Variants in SYCP1 observed in about 807,000 individuals in gnomAD.
SYCP1 encodes the protein synaptonemal complex protein 1, also known as cancer/testis antigen 8.
Under a neutral mutation model 153.1 loss-of-function variants are expected in SYCP1, and 64 were observed. The ratio of observed to expected loss-of-function variants is 0.42; its 90% confidence interval spans 0.34 to 0.51. The LOEUF is 0.51. Ranked by LOEUF, SYCP1 falls within the 20% of genes least tolerant of loss-of-function variation. The pLI, the probability that SYCP1 is intolerant of heterozygous loss-of-function variation, is 0.06. For synonymous variants in SYCP1, 384 were observed against 341.8 expected (o/e 1.12, Z -1.36); for missense variants, 997 against 1,049.0 (o/e 0.95, Z 0.68).
chr1:114,880,454 C>G (rs1665844713), intron 12 of SYCP1, among the ~76,000 whole-genome samples: 1 of 152,136 alleles, frequency 6.6e-6, no homozygotes, highest in African/African-American at 2.4e-5. Flanking sequence ...AATCTTGGAG[C>G]TTCCCGATGA....
At chr1:114,886,353 AAC>A (rs1666303773) in intron 14 of SYCP1, 44 bp downstream of exon 14, 1 of 1,419,046 alleles carries the variant, frequency 7.0e-7, no homozygotes, top group Non-Finnish European at 9.3e-7. Flanking sequence ...AGTGAATAAA[AAC>A]AATTTACTTT....
intron 16 of SYCP1, 78 bp from the exon 17 acceptor site, chr1:114,910,319 C>A: frequency 1.0e-6 from 1 of 954,916 alleles, no homozygotes; most frequent in Non-Finnish European, 1.6e-6. Flanking sequence ...GTTCTTTCCA[C>A]AGCTCCATTT....
rs1398105872 is a variant in SYCP1 at position 114,994,805 on chromosome 1, T to C, written c.2793+18T>C. 2.5e-6 allele frequency: 4 copies of C among 1,572,900 alleles called. No individual in the cohort carries two copies. The East Asian group carries it at 9.0e-5, about 35-fold the overall frequency. On this transcript the variant is annotated intron_variant, in intron 31 of 31. Coordinates refer to ENST00000369522, the MANE Select transcript of SYCP1 (RefSeq NM_003176.4). ...CAAAAAAGGTAGCTTTTAAATTTTA[T>C]TTCAGAAAGCAAATTTTAAAAGCTG...
intron 15 of SYCP1, among the ~76,000 whole-genome samples, chr1:114,893,876 T>A (rs2101589226): frequency 6.6e-6 from 1 of 152,118 alleles, no homozygotes; most frequent in East Asian, 1.9e-4. Flanking sequence ...ATTCCTAGGA[T>A]CCTTACTTTA....
chr1:114,864,700 A>G (rs1023729567), intron 8 of SYCP1, among the ~76,000 whole-genome samples: 1 of 151,812 alleles, frequency 6.6e-6, no homozygotes, highest in African/African-American at 2.4e-5. Context: ...GTTGCCCAGG[A>G]TAGTCTCAAA....
At chr1:114,922,502 C>G (rs1355710933) in intron 20 of SYCP1, among the ~76,000 whole-genome samples, 1 of 152,090 alleles carries the variant, frequency 6.6e-6, no homozygotes, top group Non-Finnish European at 1.5e-5. Context: ...ATGGCAAAAG[C>G]AGGAGCAAGA....
chr1:114,976,871 C>T (rs762955089), intron 27 of SYCP1, among the ~76,000 whole-genome samples: 7 of 151,688 alleles, frequency 4.6e-5, no homozygotes, highest in Non-Finnish European at 1.0e-4. Context: ...ACATCATGGG[C>T]GAGTTTTACT....
chr1:114,904,317 C>T (rs990954512), intron 16 of SYCP1, among the ~76,000 whole-genome samples: 28 of 152,038 alleles, frequency 1.8e-4, no homozygotes, highest in African/African-American at 4.3e-4. Flanking sequence ...GGGGTTTCAC[C>T]GTGTTAGCCA....
At chr1:114,977,514 T>G in intron 27 of SYCP1, 43 bp from the exon 28 acceptor site, 16 of 1,155,722 alleles carry the variant, frequency 1.4e-5, no homozygotes, top group Middle Eastern at 2.0e-4. Context: ...TTGTGATCAT[T>G]GTGATGTTTA....
chr1:114,905,872 TG>T (rs1667774957), intron 16 of SYCP1, among the ~76,000 whole-genome samples: 1 of 152,236 alleles, frequency 6.6e-6, no homozygotes, highest in Non-Finnish European at 1.5e-5. Flanking sequence ...TAGAATTTTT[TG>T]TAGCATTTCC....
At chr1:114,900,285 A>T (rs1339163498) in intron 16 of SYCP1, among the ~76,000 whole-genome samples, 1 of 151,950 alleles carries the variant, frequency 6.6e-6, no homozygotes, top group African/African-American at 2.4e-5. Context: ...CCTTCTTATA[A>T]CATTTTTTTT....
At chr1:114,916,084 A>T (rs964285380) in intron 20 of SYCP1, among the ~76,000 whole-genome samples, 13 of 152,198 alleles carry the variant, frequency 8.5e-5, no homozygotes, top group African/African-American at 2.7e-4. Context: ...CCCACTCTAT[A>T]TTTTAAAGAA....
Position 114,946,313 on chromosome 1 carries a change from G to A in SYCP1, c.2179G>A (p.Glu727Lys). ...HKHQYDKIIE[E>K]RDSELGLYKS... ...GCACCAATATGATAAGATCATTGAA[G>A]AAAGAGACTCAGAATTAGGACTTTA... The change falls in exon 26 of 32, where the codon GAA becomes AAA. Residue 727 changes from glutamate (E) to lysine (K), a missense_variant. Glu to Lys is a moderately conservative substitution (Grantham distance 56, BLOSUM62 1). Transcript: ENST00000369522. The A allele has an allele frequency of 6.3e-7, 1 of 1,583,688 alleles. No homozygotes were observed. Among genetic ancestry groups the A allele is most frequent in the Non-Finnish European group, 8.6e-7 (1 of 1,168,066 alleles).
chr1:114,856,691 A>AT, intron 3 of SYCP1, 34 bp downstream of exon 3: 1 of 1,490,770 alleles, frequency 6.7e-7, no homozygotes, highest in Non-Finnish European at 9.3e-7. Flanking sequence ...ATCAGCTTAT[A>AT]TAGAAACATT....
At chr1:114,967,440 C>T (rs1672201892) in intron 27 of SYCP1, among the ~76,000 whole-genome samples, 1 of 152,168 alleles carries the variant, frequency 6.6e-6, no homozygotes, top group African/African-American at 2.4e-5. Flanking sequence ...CCTTCTTTGT[C>T]TTTTTTGATC....
chr1:114,947,873 T>G (rs1670841229), intron 27 of SYCP1, among the ~76,000 whole-genome samples: 1 of 147,634 alleles, frequency 6.8e-6, no homozygotes, highest in Admixed American at 6.8e-5. Flanking sequence ...CTGCAAATAC[T>G]GTTAACATTT....
At chr1:114,924,460 A>G (rs1028006667) in intron 21 of SYCP1, among the ~76,000 whole-genome samples, 9 of 152,146 alleles carry the variant, frequency 5.9e-5, no homozygotes, top group Non-Finnish European at 1.0e-4. Flanking sequence ...CTCTATCTGG[A>G]TACTATTAGA....
chr1:114,967,125 C>G (rs550820785), intron 27 of SYCP1, among the ~76,000 whole-genome samples: 1 of 152,088 alleles, frequency 6.6e-6, no homozygotes, highest in African/African-American at 2.4e-5. Context: ...AAGTGCTATG[C>G]GGTGCTGAGA....
intron 27 of SYCP1, among the ~76,000 whole-genome samples, chr1:114,969,929 G>A (rs929068544): frequency 6.6e-6 from 1 of 152,104 alleles, no homozygotes; most frequent in African/African-American, 2.4e-5. Context: ...CTTCCCAGGT[G>A]AGGCAACACC....
Sources: gnomAD v4.1 joint callset for allele counts (sites outside exome capture counted in the v4.1 genomes callset) on GRCh38, gnomAD v4.1.1 for gene constraint, MANE v1.5 for transcripts, NCBI Gene and HGNC (gene_info 2026-07-23, HGNC 2026-07-21) for gene names.